FMN1: variants seen among roughly 807,000 people sequenced by gnomAD.
The protein encoded by FMN1 is formin 1.
In FMN1, 110 loss-of-function variants were observed where a neutral mutation model predicts 132.4. The observed-to-expected ratio is 0.83, with a 90% CI of 0.71 to 0.97. The LOEUF is 0.97. Ranked by LOEUF, FMN1 falls within the 50% of genes least tolerant of loss-of-function variation. The probability of loss-of-function intolerance (pLI) is 0.00; values close to 1 mark genes in which losing one functional copy is unlikely to be tolerated. For synonymous variants in FMN1, 722 were observed against 651.7 expected (o/e 1.11, Z -1.64); for missense variants, 1,792 against 1,705.3 (o/e 1.05, Z -0.90).
chr15:32,987,065 C>T (rs571722844), intron 7 of FMN1, among the ~76,000 whole-genome samples: 2 of 152,124 alleles, frequency 1.3e-5, no homozygotes, highest in African/African-American at 4.8e-5. Flanking sequence ...ACATTTTTTT[C>T]TCCCAGGCAA....
chr15:33,183,874 A>C (rs1480186184), intron 2 of FMN1, among the ~76,000 whole-genome samples: 2 of 152,190 alleles, frequency 1.3e-5, no homozygotes, highest in Admixed American at 1.3e-4. Context: ...TCTTTCAAGA[A>C]AGAAAGTCAA....
At chr15:32,861,483 G>A (rs1004642456) in intron 16 of FMN1, among the ~76,000 whole-genome samples, 4 of 152,156 alleles carry the variant, frequency 2.6e-5, no homozygotes, top group African/African-American at 9.7e-5. Context: ...GCTGTGGCTT[G>A]TTTTTCTCAT....
chr15:33,058,468 T>C (rs1334520039), intron 6 of FMN1, among the ~76,000 whole-genome samples: 2 of 152,212 alleles, frequency 1.3e-5, no homozygotes, highest in East Asian at 3.8e-4. Context: ...ACCATGCATT[T>C]TACTACACAA....
chr15:32,910,484 A>T lies in FMN1; in HGVS notation c.3278T>A (p.Leu1093Ter). Residue 1093 changes from leucine (L) to a stop codon, truncating the protein, a stop_gained, in exon 11 of 21, where the codon TTA becomes TAA. Transcript: ENST00000616417. LOFTEE classifies it high-confidence loss of function. ...SVVDLETLAA[L>*]YENRAQEDEL... is the part of the protein sequence containing the mutation. Reference sequence around the variant, plus strand: ...GTCTTTGACACTCACGTTTTCATATAAGGCTGCCAGGGTCTCCAGATCAAC... The same window carrying T: ...GTCTTTGACACTCACGTTTTCATATTAGGCTGCCAGGGTCTCCAGATCAAC... 6.3e-7 allele frequency: 1 copy of T among 1,578,504 alleles called. No homozygotes were observed. Among genetic ancestry groups the T allele is most frequent in the Non-Finnish European group, 8.6e-7 (1 of 1,161,454 alleles).
At chr15:33,009,088 C>A (rs945598830) in intron 6 of FMN1, among the ~76,000 whole-genome samples, 4 of 152,198 alleles carry the variant, frequency 2.6e-5, no homozygotes, top group Non-Finnish European at 5.9e-5. Flanking sequence ...ATAATTACGG[C>A]TAGATAGACC....
At chr15:32,979,908 C>T (rs1469651912) in intron 7 of FMN1, among the ~76,000 whole-genome samples, 4 of 152,168 alleles carry the variant, frequency 2.6e-5, no homozygotes, top group African/African-American at 9.7e-5. Flanking sequence ...ATTTGGCTTT[C>T]CACTTTCATT....
chr15:33,177,669 A>G (rs1965559555), intron 3 of FMN1, among the ~76,000 whole-genome samples: 1 of 152,194 alleles, frequency 6.6e-6, no homozygotes, highest in Non-Finnish European at 1.5e-5. Flanking sequence ...ACCACAAGAC[A>G]GTAAGGGGTG....
At chr15:32,938,514 G>A (rs2061331048) in intron 9 of FMN1, among the ~76,000 whole-genome samples, 1 of 152,130 alleles carries the variant, frequency 6.6e-6, no homozygotes, top group Non-Finnish European at 1.5e-5. Context: ...GGGTGACAGA[G>A]CAAAGACTCT....
chr15:33,123,491 T>C (rs1222669335), intron 4 of FMN1, among the ~76,000 whole-genome samples: 2 of 152,200 alleles, frequency 1.3e-5, no homozygotes, highest in East Asian at 3.8e-4. Flanking sequence ...TATCATAGCA[T>C]ATTAAGTAAT....
chr15:33,119,191 G>C (rs115794026), intron 4 of FMN1, among the ~76,000 whole-genome samples: 4 of 152,162 alleles, frequency 2.6e-5, no homozygotes, highest in African/African-American at 9.6e-5. Context: ...TATGTTCAAT[G>C]AACACCCTTC....
intron 6 of FMN1, among the ~76,000 whole-genome samples, chr15:33,044,751 C>G (rs1479516757): frequency 6.6e-6 from 1 of 152,182 alleles, no homozygotes; most frequent in Non-Finnish European, 1.5e-5. Flanking sequence ...GGTCTTCTCT[C>G]TGCTGAGAGC....
intron 16 of FMN1, among the ~76,000 whole-genome samples, chr15:32,863,633 T>A (rs1567290551): frequency 1.3e-5 from 2 of 152,184 alleles, no homozygotes; most frequent in Non-Finnish European, 2.9e-5. Flanking sequence ...ACGCAGTAAT[T>A]ATTGTTTCTA....
chr15:32,824,320 T>G (rs1034847406), intron 17 of FMN1, among the ~76,000 whole-genome samples: 1 of 152,226 alleles, frequency 6.6e-6, no homozygotes, highest in African/African-American at 2.4e-5. Context: ...TACATGGTCC[T>G]CTTAGTGCGT....
At chr15:32,802,041 T>C (rs1226865417) in intron 18 of FMN1, among the ~76,000 whole-genome samples, 1 of 152,238 alleles carries the variant, frequency 6.6e-6, no homozygotes, top group East Asian at 1.9e-4. Context: ...TTTTCTCTAA[T>C]ATACAGGAAA....
At chr15:33,123,017 T>C (rs1273937429) in intron 4 of FMN1, among the ~76,000 whole-genome samples, 2 of 151,684 alleles carry the variant, frequency 1.3e-5, no homozygotes, top group Admixed American at 1.3e-4. Flanking sequence ...AGAGGTTAAG[T>C]AATCTGACCA....
At chr15:32,898,971 A>G (rs1243364590) in intron 14 of FMN1, 78 bp from the exon 15 acceptor site, 15 of 1,002,066 alleles carry the variant, frequency 1.5e-5, no homozygotes, top group Non-Finnish European at 2.2e-5. Context: ...GTGAAATCTC[A>G]GTTGAGAAAT....
chr15:32,998,454 A>T (rs343918), intron 7 of FMN1, among the ~76,000 whole-genome samples: 3 of 152,186 alleles, frequency 2.0e-5, no homozygotes, highest in Non-Finnish European at 4.4e-5. Flanking sequence ...TGAAGCTAGA[A>T]GGAAACTTAC....
intron 7 of FMN1, among the ~76,000 whole-genome samples, chr15:33,003,921 C>T (rs2034260742): frequency 6.6e-6 from 1 of 152,098 alleles, no homozygotes; most frequent in Non-Finnish European, 1.5e-5. Flanking sequence ...TTTGACAAAC[C>T]TAACAAAAAC....
chr15:33,111,904 G>C (rs79063814), intron 4 of FMN1, among the ~76,000 whole-genome samples: 3,307 of 152,154 alleles, frequency 0.022, 127 homozygotes, highest in African/African-American at 0.076. Context: ...AGAAACCACT[G>C]AATTGTACAT....
Sources: gnomAD v4.1 joint callset for allele counts (sites outside exome capture counted in the v4.1 genomes callset) on GRCh38, gnomAD v4.1.1 for gene constraint, MANE v1.5 for transcripts, NCBI Gene and HGNC (gene_info 2026-07-23, HGNC 2026-07-21) for gene names.